SLC12A8: variants seen among roughly 807,000 people sequenced by gnomAD.
The protein encoded by SLC12A8 is solute carrier family 12 member 8, also known as cation-chloride cotransporter 9.
Under a neutral mutation model 75.6 loss-of-function variants are expected in SLC12A8, and 69 were observed. The ratio of observed to expected loss-of-function variants is 0.91; its 90% CI spans 0.75 to 1.11. The LOEUF is 1.11. Among genes scored for constraint, SLC12A8 ranks in the 50% most tolerant of loss-of-function variants. The probability of loss-of-function intolerance (pLI) is 0.00; values close to 1 mark genes in which losing one functional copy is unlikely to be tolerated. For missense variants in SLC12A8, 877 were observed against 896.7 expected (o/e 0.98, Z 0.28); for synonymous variants, 365 against 372.8 (o/e 0.98, Z 0.24).
intron 5 of SLC12A8, among the ~76,000 whole-genome samples, chr3:125,163,404 G>A (rs1321706777): frequency 1.3e-5 from 2 of 151,752 alleles, no homozygotes; most frequent in African/African-American, 2.4e-5. Context: ...TCGGGAGATC[G>A]AGACCATCCT....
At chr3:125,191,745 T>C (rs1934913297) in intron 2 of SLC12A8, among the ~76,000 whole-genome samples, 1 of 152,142 alleles carries the variant, frequency 6.6e-6, no homozygotes. Flanking sequence ...CAGCTCCTCT[T>C]CCACCTCCTG....
chr3:125,127,198 T>C (rs1933229976), intron 6 of SLC12A8, among the ~76,000 whole-genome samples: 1 of 152,238 alleles, frequency 6.6e-6, no homozygotes, highest in Non-Finnish European at 1.5e-5. Flanking sequence ...CCTGGCTTGT[T>C]GGTTGGTTTG....
At chr3:125,175,395 T>G (rs192862331) in intron 5 of SLC12A8, among the ~76,000 whole-genome samples, 3 of 152,348 alleles carry the variant, frequency 2.0e-5, no homozygotes, top group Admixed American at 1.3e-4. Context: ...AAACAGATTC[T>G]TGAGGAGCCA....
At chr3:125,197,225 T>A (rs1935024975) in intron 2 of SLC12A8, among the ~76,000 whole-genome samples, 1 of 152,106 alleles carries the variant, frequency 6.6e-6, no homozygotes, top group African/African-American at 2.4e-5. Context: ...TGAAAGTAAA[T>A]AATAGCAATA....
At chr3:125,136,038 G>A (rs562413409) in intron 5 of SLC12A8, among the ~76,000 whole-genome samples, 5 of 152,162 alleles carry the variant, frequency 3.3e-5, no homozygotes, top group Non-Finnish European at 7.4e-5. Flanking sequence ...GGGAAGGGGA[G>A]CATTTTCATC....
intron 1 of SLC12A8, among the ~76,000 whole-genome samples, chr3:125,212,068 G>A (rs941373694): frequency 1.3e-5 from 2 of 152,050 alleles, no homozygotes; most frequent in Admixed American, 6.5e-5. Flanking sequence ...CAAGGTAGAC[G>A]GGGCTCAGGA....
At position 125,110,194 on chromosome 3, in the gene SLC12A8, G is replaced by T. The variant is rs779531005; in HGVS notation, c.1054C>A (p.Gln352Lys). The change falls in exon 9 of 14, where the codon CAA (glutamine) becomes AAA (lysine). Residue 352 changes from glutamine to lysine, a missense_variant. By Grantham distance (53) the Gln-to-Lys change is moderately conservative. Transcript: ENST00000469902. ...AAAAAAAGAGGATTACTCACCCCTT[G>T]TCCCAGACAGGCAAGTGCAGGGATC... ...KVIPALACLG[Q>K]GKGPNKTPVA... The T allele has an allele frequency of 5.0e-6, 8 of 1,612,348 alleles. No individual in the cohort carries two copies. The highest frequency in any genetic ancestry group is 6.8e-6 in the Non-Finnish European group (8 of 1,178,870).
rs558888063 is a variant in SLC12A8, at chr3:125,090,597, T to G, written c.1921+842A>C. Among the ~76,000 whole-genome samples, 3 of 152,356 alleles carry G rather than the reference T, an allele frequency of 2.0e-5. No homozygotes were observed. In the East Asian group the frequency reaches 5.8e-4, roughly 29 times the overall value. ...TTTTGGTTTGTGTATTTCAAAGCTG[T>G]GTTTTTAAGTGCATAAATGTTAAGC... On this transcript the variant is annotated intron_variant, in intron 12 of 13. Coordinates refer to ENST00000469902, the MANE Select transcript of SLC12A8 (RefSeq NM_024628.6).
At chr3:125,100,312 T>C (rs1938835874) in intron 10 of SLC12A8, among the ~76,000 whole-genome samples, 1 of 152,196 alleles carries the variant, frequency 6.6e-6, no homozygotes, top group Non-Finnish European at 1.5e-5. Context: ...TCAATTGATG[T>C]TGCCTCTAGC....
At chr3:125,194,615 C>G (rs555247826) in intron 2 of SLC12A8, among the ~76,000 whole-genome samples, 47 of 152,214 alleles carry the variant, frequency 3.1e-4, no homozygotes, top group Non-Finnish European at 6.2e-4. Flanking sequence ...CCAGCTAAGT[C>G]TTCATGAATG....
chr3:125,186,667 C>T (rs9816529), intron 4 of SLC12A8, among the ~76,000 whole-genome samples: 48,221 of 152,162 alleles, frequency 0.32, 8,914 homozygotes, highest in Non-Finnish European at 0.42. Context: ...CCTACTCGCT[C>T]GTTTTCGGAG....
intron 8 of SLC12A8, among the ~76,000 whole-genome samples, chr3:125,113,199 C>G (rs2788459): frequency 0.54 from 82,137 of 151,952 alleles, 22,909 homozygotes; most frequent in East Asian, 0.72. Flanking sequence ...CTTTGGCCAG[C>G]CTTCCCACAG....
intron 5 of SLC12A8, among the ~76,000 whole-genome samples, chr3:125,146,270 G>C (rs1933771349): frequency 6.6e-6 from 1 of 152,212 alleles, no homozygotes. Flanking sequence ...AATTCAGAGA[G>C]GCAGAAAGTA....
Position 125,107,617 on chromosome 3 carries a change from C to T in SLC12A8, c.1569G>A (p.Leu523=). The T allele has an allele frequency of 6.2e-7, 1 of 1,614,206 alleles. No homozygotes were observed. The highest frequency in any genetic ancestry group is 8.5e-7 in the Non-Finnish European group (1 of 1,180,034). Residue 523 remains leucine, a synonymous_variant, in exon 10 of 14, where the codon TTG becomes TTA. Coordinates refer to ENST00000469902, the MANE Select transcript of SLC12A8 (RefSeq NM_024628.6). Reference sequence around the variant, plus strand: ...CCTGCCCCTCCCAGGAGGCAGCGGGCAACCTGTCAGAGATCTCGACAGGGA... The same window carrying T: ...CCTGCCCCTCCCAGGAGGCAGCGGGTAACCTGTCAGAGATCTCGACAGGGA... ...PSFPVEISDR[L]PAASWEGQES...
chr3:125,120,408 C>T (rs1049948574), intron 7 of SLC12A8, among the ~76,000 whole-genome samples, 191 bp downstream of exon 7: 1 of 152,122 alleles, frequency 6.6e-6, no homozygotes, highest in Non-Finnish European at 1.5e-5. Context: ...AGGCAGGGCG[C>T]ATGAAAGGGC....
At chr3:125,212,526 G>A (rs1043416277) in intron 1 of SLC12A8, among the ~76,000 whole-genome samples, 174 bp downstream of exon 1, 1 of 152,188 alleles carries the variant, frequency 6.6e-6, no homozygotes, top group Non-Finnish European at 1.5e-5. Flanking sequence ...CGCACCCCAA[G>A]TACTGGGGCC....
intron 5 of SLC12A8, among the ~76,000 whole-genome samples, chr3:125,168,345 G>C (rs1934336098): frequency 6.6e-6 from 1 of 152,212 alleles, no homozygotes; most frequent in Admixed American, 6.5e-5. Context: ...TAACTAAAGA[G>C]AGGAGTGAGA....
At chr3:125,141,275 C>A (rs1560065582) in intron 5 of SLC12A8, among the ~76,000 whole-genome samples, 1 of 152,242 alleles carries the variant, frequency 6.6e-6, no homozygotes, top group Non-Finnish European at 1.5e-5. Flanking sequence ...CTTGATCTTT[C>A]CACCCGGAAT....
At chr3:125,177,198 C>G (rs1302145970) in intron 5 of SLC12A8, among the ~76,000 whole-genome samples, 3 of 151,850 alleles carry the variant, frequency 2.0e-5, no homozygotes, top group East Asian at 1.9e-4. Flanking sequence ...AGCTGGAAAC[C>G]ATCATTCTCA....
Sources: allele counts gnomAD v4.1 joint callset (sites outside exome capture counted in the v4.1 genomes callset), GRCh38; gene constraint gnomAD v4.1.1; transcripts MANE v1.5; gene names NCBI Gene and HGNC (gene_info 2026-07-23, HGNC 2026-07-21).